Variants in RFC3 observed in about 807,000 individuals in gnomAD.
RFC3 encodes the protein A1 38 kDa subunit.
In RFC3, 41 loss-of-function variants were observed where a neutral mutation model predicts 45.1. The observed-to-expected ratio is 0.91, with a 90% CI of 0.71 to 1.18. The LOEUF is 1.18. Among genes scored for constraint, RFC3 ranks in the 50% most tolerant of loss-of-function variants. RFC3 has a pLI of 0.00. For synonymous variants in RFC3, 149 were observed against 144.0 expected (o/e 1.03, Z -0.25); for missense variants, 423 against 428.1 (o/e 0.99, Z 0.10).
At position 33,901,853 on chromosome 13, in the gene RFC3, CA is replaced by C. The variant is rs551702668; in HGVS notation, c.880-64227del. On this transcript the variant is annotated intron_variant, in intron 8 of 8. Coordinates refer to the RFC3 transcript ENST00000434425. ...AAAACACATAAAAATAAACAAGAAA[CA>C]AAAAAACAAAATCTCATGATCAGAC... Among the ~76,000 whole-genome samples, 5 of 151,614 alleles carry C rather than the reference CA, an allele frequency of 3.3e-5. No homozygotes were observed. In the East Asian group the frequency reaches 9.7e-4, roughly 30 times the overall value.
chr13:33,938,607 T>C (rs1204541416), intron 8 of RFC3, among the ~76,000 whole-genome samples: 1 of 152,186 alleles, frequency 6.6e-6, no homozygotes, highest in Non-Finnish European at 1.5e-5. Flanking sequence ...CAACATTGTG[T>C]CATATATTTG....
intron 8 of RFC3, among the ~76,000 whole-genome samples, chr13:33,870,201 G>C (rs997258096): frequency 6.6e-6 from 1 of 152,234 alleles, no homozygotes; most frequent in Admixed American, 6.5e-5. Context: ...CATGGAACTG[G>C]TGAAGGGCAA....
chr13:33,827,025 A>G (rs1005933110), intron 4 of RFC3, among the ~76,000 whole-genome samples: 14 of 152,228 alleles, frequency 9.2e-5, no homozygotes, highest in African/African-American at 2.9e-4. Context: ...TTTAACACAA[A>G]TGTGTGTTAA....
At chr13:33,906,835 T>A (rs558457599) in intron 8 of RFC3, among the ~76,000 whole-genome samples, 1 of 152,070 alleles carries the variant, frequency 6.6e-6, no homozygotes, top group Non-Finnish European at 1.5e-5. Context: ...TCTATTAGGA[T>A]GATTAGTACC....
chr13:33,967,831 C>G (rs2083095352), downstream of RFC3, among the ~76,000 whole-genome samples: 1 of 152,036 alleles, frequency 6.6e-6, no homozygotes, highest in African/African-American at 2.4e-5. Flanking sequence ...AGTTCTCAAA[C>G]TTATTTGACC....
At chr13:33,943,709 A>G (rs537304990) in intron 8 of RFC3, among the ~76,000 whole-genome samples, 1 of 152,076 alleles carries the variant, frequency 6.6e-6, no homozygotes, top group Non-Finnish European at 1.5e-5. Context: ...TGTTGGCAGA[A>G]TTTATTCTCT....
chr13:33,858,901 A>G (rs934665751), intron 8 of RFC3, among the ~76,000 whole-genome samples: 1 of 152,180 alleles, frequency 6.6e-6, no homozygotes, highest in Non-Finnish European at 1.5e-5. Flanking sequence ...TTTTCTTTCA[A>G]CTGTAGCATC....
downstream of RFC3, among the ~76,000 whole-genome samples, chr13:33,842,392 C>T (rs1325897117): frequency 6.6e-6 from 1 of 152,226 alleles, no homozygotes; most frequent in Non-Finnish European, 1.5e-5. Context: ...CCTACTCCAT[C>T]CCACCTAAGA....
At chr13:33,877,301 T>A (rs1281399217) in intron 8 of RFC3, among the ~76,000 whole-genome samples, 1 of 152,202 alleles carries the variant, frequency 6.6e-6, no homozygotes, top group Non-Finnish European at 1.5e-5. Flanking sequence ...GTCTACTCTT[T>A]GTCAGGCTCT....
At chr13:33,966,078 C>A (rs190431797) in intron 8 of RFC3, 2 of 1,596,222 alleles carry the variant, frequency 1.3e-6, no homozygotes, top group Middle Eastern at 1.7e-4. Context: ...TAGTGAATAT[C>A]TCTTACAGGC....
the RFC3 span, among the ~76,000 whole-genome samples, chr13:33,976,284 A>AGC: frequency 6.6e-6 from 1 of 152,202 alleles, no homozygotes; most frequent in Non-Finnish European, 1.5e-5. Flanking sequence ...GTAGCAACAT[A>AGC]AATGGAACTG....
At position 33,902,778 on chromosome 13, in the gene RFC3, G is replaced by A. The variant is rs367581697; in HGVS notation, c.880-63309G>A. 4.6e-5 allele frequency among the ~76,000 whole-genome samples: 7 copies of A among 152,122 alleles called. No individual in the cohort carries two copies. The South Asian group carries it at 1.5e-3, about 32-fold the overall frequency. ...GTTATCCACAGAACCACCAGAGGAA[G>A]TTTTAAAAGAGGTAAATTAGATCCT... On this transcript the variant is annotated intron_variant, in intron 8 of 8. Transcript: ENST00000434425.
At chr13:33,951,421 C>T (rs1046599728) in intron 8 of RFC3, among the ~76,000 whole-genome samples, 4 of 151,756 alleles carry the variant, frequency 2.6e-5, no homozygotes, top group African/African-American at 4.8e-5. Flanking sequence ...TCAGTAGAGA[C>T]GGGGTTTCAC....
At chr13:33,950,309 C>G (rs756788858) in intron 8 of RFC3, among the ~76,000 whole-genome samples, 2 of 152,084 alleles carry the variant, frequency 1.3e-5, no homozygotes, top group Non-Finnish European at 2.9e-5. Context: ...AAAATGACTG[C>G]TAGTACAATT....
intron 8 of RFC3, among the ~76,000 whole-genome samples, chr13:33,842,544 G>T (rs1416419804): frequency 6.6e-6 from 1 of 152,124 alleles, no homozygotes; most frequent in Non-Finnish European, 1.5e-5. Flanking sequence ...CCCAACATAG[G>T]CAGCCACCTC....
rs2082158680 is a variant in RFC3, at chr13:33,836,753, A to G, written c.*458A>G. 2.0e-6 allele frequency: 2 copies of G among 985,076 alleles called. No individual in the cohort carries two copies. Among genetic ancestry groups the G allele is most frequent in the Non-Finnish European group, 2.4e-6 (2 of 829,406 alleles). 61.0% of individuals were successfully genotyped at this position (985,076 alleles called of 1,614,324 possible). A position where few individuals can be genotyped will look rare whatever the true frequency, so the allele number is the denominator to read the frequency against. Reference sequence around the variant, plus strand: ...ATAATTGTATTTTTGTAGGAAATGTAAGATTTCATTCTGAAACATAATTAT... The same window carrying G: ...ATAATTGTATTTTTGTAGGAAATGTGAGATTTCATTCTGAAACATAATTAT... On this transcript the variant is annotated 3_prime_UTR_variant, in exon 9 of 9. Coordinates refer to ENST00000380071, the MANE Select transcript of RFC3 (RefSeq NM_002915.4).
At chr13:33,899,696 GAAA>G (rs2082627269) in intron 8 of RFC3, among the ~76,000 whole-genome samples, 1 of 151,570 alleles carries the variant, frequency 6.6e-6, no homozygotes, top group African/African-American at 2.4e-5. Flanking sequence ...TTAGACAAGA[GAAA>G]AAAATAAAGA....
chr13:33,949,903 A>G (rs2082978177), intron 8 of RFC3, among the ~76,000 whole-genome samples: 1 of 152,146 alleles, frequency 6.6e-6, no homozygotes. Flanking sequence ...TCCTGCCTTT[A>G]AACTCAAGCT....
chr13:33,946,723 C>G (rs2082956728), intron 8 of RFC3, among the ~76,000 whole-genome samples: 1 of 152,270 alleles, frequency 6.6e-6, no homozygotes, highest in African/African-American at 2.4e-5. Context: ...AATCTGGCCT[C>G]ACAGATGTGT....
Sources: allele counts gnomAD v4.1 joint callset (sites outside exome capture counted in the v4.1 genomes callset), GRCh38; gene constraint gnomAD v4.1.1; transcripts MANE v1.5; gene names NCBI Gene and HGNC (gene_info 2026-07-23, HGNC 2026-07-21).